The following NSD1 variants were observed in gnomAD, a reference collection of about 807,000 sequenced individuals.
The protein encoded by NSD1 is nuclear receptor binding SET domain protein 1.
A neutral mutation model predicts 242.7 loss-of-function variants in NSD1; 26 were observed. The observed-to-expected ratio is 0.11, with a 90% CI of 0.08 to 0.15. The LOEUF is 0.15. Among genes scored for constraint, NSD1 ranks in the 10% least tolerant of loss-of-function variants. The pLI is 1.00. For missense variants in NSD1, 2,495 were observed against 3,272.8 expected, an observed-to-expected ratio of 0.76 and a Z score of 5.80; for synonymous variants, 1,106 against 1,178.1, an observed-to-expected ratio of 0.94 and a Z score of 1.25.
At chr5:177,291,635 A>G (rs1022018625) in intron 21 of NSD1, among the ~76,000 whole-genome samples, 8 of 152,248 alleles carry the variant, frequency 5.3e-5, no homozygotes, top group African/African-American at 1.9e-4. Context: ...CCTGGGCAAC[A>G]CAGCAAGACT....
intron 17 of NSD1, among the ~76,000 whole-genome samples, chr5:177,278,343 C>G (rs1209536790): frequency 1.3e-5 from 2 of 152,254 alleles, no homozygotes; most frequent in Non-Finnish European, 2.9e-5. Flanking sequence ...CTTCTGGGCT[C>G]AAACAATCCT....
At chr5:177,190,384 A>G (rs1024459590) in intron 2 of NSD1, among the ~76,000 whole-genome samples, 8 of 151,994 alleles carry the variant, frequency 5.3e-5, no homozygotes, top group Non-Finnish European at 1.0e-4. Context: ...GGTTCAAGCA[A>G]TTCTCTTGCC....
At chr5:177,185,916 ATATT>A (rs1449100380) in intron 2 of NSD1, among the ~76,000 whole-genome samples, 1 of 77,658 alleles carries the variant, frequency 1.3e-5, no homozygotes, top group Non-Finnish European at 2.1e-5. Flanking sequence ...ATAATTATAT[ATATT>A]TATATATATA....
Position 177,210,402 on chromosome 5 carries a change from C to T in NSD1, c.2003C>T (p.Ala668Val). 6.2e-7 allele frequency: 1 copy of T among 1,614,062 alleles called. No individual in the cohort carries two copies. Among genetic ancestry groups the T allele is most frequent in the South Asian group, 1.1e-5 (1 of 91,068 alleles). The change falls in exon 5 of 23, where the codon GCT (alanine) becomes GTT (valine). Residue 668 changes from alanine (A) to valine (V), a missense_variant. Ala to Val is a moderately conservative substitution (Grantham distance 64). Around this residue, in one of 19 missense-constraint regions of NSD1, gnomAD observed 515 missense variants for 467.0 expected, o/e 1.10. Transcript: ENST00000439151. The stretch of plus-strand genomic sequence containing the variant: ...AACAGTGTCCTTGAAATTCCAGATG[C>T]TTTCGATAGAACAGAGAACATGTTA... ...SDNSVLEIPD[A>V]FDRTENMLSM...
chr5:177,258,103 C>T (rs1302597379), intron 13 of NSD1, among the ~76,000 whole-genome samples: 1 of 150,422 alleles, frequency 6.6e-6, no homozygotes, highest in African/African-American at 2.4e-5. Context: ...GTCTCAGCCT[C>T]CCGAGTAGCT....
chr5:177,175,773 G>A (rs1380539984), intron 2 of NSD1, among the ~76,000 whole-genome samples: 3 of 151,930 alleles, frequency 2.0e-5, no homozygotes, highest in African/African-American at 7.3e-5. Flanking sequence ...ATCTAGAGTA[G>A]TTTTATTAAT....
At chr5:177,206,309 AT>A (rs1338958140) in intron 4 of NSD1, among the ~76,000 whole-genome samples, 2 of 151,906 alleles carry the variant, frequency 1.3e-5, no homozygotes, top group Non-Finnish European at 2.9e-5. Flanking sequence ...CCCAATTTTT[AT>A]TTTTATTTTT....
chr5:177,199,032 C>T (rs772768007), intron 3 of NSD1, among the ~76,000 whole-genome samples: 2 of 152,144 alleles, frequency 1.3e-5, no homozygotes, highest in African/African-American at 2.4e-5. Context: ...ATTTTTCGAC[C>T]TTACAATGGT....
chr5:177,159,281 T>TG lies in NSD1; in HGVS notation c.927+23251_927+23252insG, dbSNP rs1349398853. On this transcript the variant is annotated intron_variant, in intron 2 of 22. Coordinates refer to ENST00000439151, the MANE Select transcript of NSD1 (RefSeq NM_022455.5). ...TTCCCTTTTTCTTTCCAGTTTTTTTTTTTGTTTGTTTGTTTGTTTTTGAGA... is the reference window on the plus strand; with the variant it reads ...TTCCCTTTTTCTTTCCAGTTTTTTTTGTTTGTTTGTTTGTTTGTTTTTGAGA... Among the ~76,000 whole-genome samples, 10 of 151,404 alleles carry TG rather than the reference T, an allele frequency of 6.6e-5. 1 individual carries two copies. The highest frequency in any genetic ancestry group is 1.3e-4 in the Admixed American group (2 of 15,140).
At chr5:177,136,070 G>A (rs1756301487) in intron 2 of NSD1, 40 bp downstream of exon 2, 3 of 1,521,838 alleles carry the variant, frequency 2.0e-6, no homozygotes, top group East Asian at 2.3e-5. Flanking sequence ...ATACATATAT[G>A]TATATATACA....
chr5:177,192,383 GTTTT>G (rs1250969631), intron 3 of NSD1, among the ~76,000 whole-genome samples: 1 of 149,750 alleles, frequency 6.7e-6, no homozygotes, highest in Non-Finnish European at 1.5e-5. Context: ...GCTAATTTTT[GTTTT>G]TTGTTTTTTT....
intron 16 of NSD1, 88 bp from the exon 17 acceptor site, chr5:177,273,584 C>A: frequency 9.5e-7 from 1 of 1,053,472 alleles, no homozygotes; most frequent in Non-Finnish European, 1.5e-6. Context: ...GTTTCTCCAA[C>A]TTAAAGGGGA....
chr5:177,218,309 A>G (rs928088695), intron 5 of NSD1, among the ~76,000 whole-genome samples: 10 of 152,102 alleles, frequency 6.6e-5, no homozygotes, highest in Admixed American at 3.9e-4. Flanking sequence ...TGGCCCCCCA[A>G]AAGTGCTGGG....
chr5:177,225,544 CTTAT>C (rs138613531), intron 5 of NSD1, among the ~76,000 whole-genome samples: 1 of 152,036 alleles, frequency 6.6e-6, no homozygotes, highest in Non-Finnish European at 1.5e-5. Flanking sequence ...TGTGGCCTTT[CTTAT>C]TTATTTTCTC....
intron 3 of NSD1, among the ~76,000 whole-genome samples, chr5:177,203,033 C>T (rs1411309848): frequency 6.6e-6 from 1 of 151,814 alleles, no homozygotes; most frequent in Non-Finnish European, 1.5e-5. Context: ...TTTCATTTTT[C>T]ATTTTGCATT....
At chr5:177,132,303 G>A (rs908640094), upstream of NSD1, among the ~76,000 whole-genome samples, 17 of 151,578 alleles carry the variant, frequency 1.1e-4, no homozygotes, top group Non-Finnish European at 2.2e-4. This position sits in a 1 kb window ranked among gnomAD's most constrained non-coding sequence, Gnocchi z 7.5. Flanking sequence ...GGCACGAGAG[G>A]GCCATCTGCC....
chr5:177,135,161 G>T lies in NSD1; in HGVS notation c.58G>T (p.Val20Leu), dbSNP rs377302741. The T allele has an allele frequency of 1.2e-6, 2 of 1,614,190 alleles. No individual in the cohort carries two copies. The highest frequency in any genetic ancestry group is 1.7e-6 in the Non-Finnish European group (2 of 1,180,030). ...RNCLLPFSNPVNLDAPEDKDS... is the reference protein window; with the variant it reads ...RNCLLPFSNPLNLDAPEDKDS... ...TTGTCTGCTGCCCTTTTCCAATCCA[G>T]TGAATTTAGATGCCCCTGAAGACAA... Residue 20 changes from valine to leucine, a missense_variant, in exon 2 of 23, where the codon GTG becomes TTG. Val to Leu is a conservative substitution (Grantham distance 32). Around this residue, in one of 19 missense-constraint regions of NSD1, gnomAD observed 376 missense variants for 367.4 expected, o/e 1.02. Transcript: ENST00000439151.
intron 19 of NSD1, 47 bp from the exon 20 acceptor site, chr5:177,283,739 AG>A: frequency 1.2e-6 from 2 of 1,604,698 alleles, no homozygotes; most frequent in Non-Finnish European, 1.7e-6. Flanking sequence ...TTTAATCCAC[AG>A]CAGAGGTCTC....
At chr5:177,253,988 ACTGTCACCCGGGCTCGAGTGCAATGG>A (rs1756215747) in intron 12 of NSD1, among the ~76,000 whole-genome samples, 2 of 151,878 alleles carry the variant, frequency 1.3e-5, no homozygotes, top group South Asian at 4.1e-4. Flanking sequence ...AGAGTCTTGC[ACTGTCACCCGGGCTCGAGTGCAATGG>A]CGCAGTCTCG....
Sources: gnomAD v4.1 joint callset for allele counts (sites outside exome capture counted in the v4.1 genomes callset) on GRCh38, gnomAD v4.1.1 for gene constraint, gnomAD v4.1.1 regional missense constraint, Gnocchi (gnomAD v3.1) non-coding constraint, MANE v1.5 for transcripts, NCBI Gene and HGNC (gene_info 2026-07-23, HGNC 2026-07-21) for gene names.